Variants in EIF3A observed in about 807,000 individuals in gnomAD.
The protein encoded by EIF3A is EIF3, p180 subunit.
In EIF3A, 21 loss-of-function variants were observed where a neutral mutation model predicts 186.6. The observed-to-expected ratio is 0.11, with a 90% confidence interval of 0.08 to 0.16. The LOEUF is 0.16. EIF3A is among the 10% of genes least tolerant of loss of function. The pLI, the probability that EIF3A is intolerant of heterozygous loss-of-function variation, is 1.00. For missense variants in EIF3A, 1,306 were observed against 1,796.3 expected (o/e 0.73, Z 4.93); for synonymous variants, 563 against 584.3 (o/e 0.96, Z 0.52).
At chr10:119,068,330 C>A (rs1844012835) in intron 6 of EIF3A, among the ~76,000 whole-genome samples, 1 of 152,022 alleles carries the variant, frequency 6.6e-6, no homozygotes, top group Non-Finnish European at 1.5e-5. Context: ...TAAACATGAC[C>A]CAAATATTCT....
intron 21 of EIF3A, among the ~76,000 whole-genome samples, chr10:119,036,824 T>A (rs1027410310): frequency 2.0e-5 from 3 of 152,354 alleles, no homozygotes. Flanking sequence ...TACTTTGTGC[T>A]TAATCTGCCA....
In EIF3A at chr10:119,035,252, C is replaced by G. The variant is rs528379109; in HGVS notation, c.*787G>C. ...AGAGAATTTAAACGATTCCTCCAAA[C>G]CATACATTTATAAATATTGTCATAT... On this transcript the variant is annotated 3_prime_UTR_variant, in exon 22 of 22. Transcript: ENST00000369144. The G allele has an allele frequency of 6.6e-6, 1 of 152,494 alleles. No homozygotes were observed. The highest frequency in any genetic ancestry group is 1.5e-5 in the Non-Finnish European group (1 of 68,018). 9.4% of individuals were successfully genotyped at this position (152,494 alleles called of 1,614,324 possible). A position where few individuals can be genotyped will look rare whatever the true frequency, so the allele number is the denominator to read the frequency against.
chr10:119,038,138 A>G, intron 20 of EIF3A, 100 bp downstream of exon 20: 1 of 1,035,476 alleles, frequency 9.7e-7, no homozygotes, highest in African/African-American at 1.6e-5. Flanking sequence ...GCTGCTCTCG[A>G]ACTCCTGAAC....
chr10:119,072,779 T>G (rs1450464639), intron 4 of EIF3A, 111 bp downstream of exon 4: 1 of 1,323,928 alleles, frequency 7.6e-7, no homozygotes, highest in African/African-American at 1.5e-5. Flanking sequence ...CTCATGTGAA[T>G]GCCAACATTT....
chr10:119,071,885 C>T (rs1194199443), intron 4 of EIF3A, among the ~76,000 whole-genome samples: 8 of 151,664 alleles, frequency 5.3e-5, no homozygotes, highest in Non-Finnish European at 1.0e-4. Context: ...ATTAGCCGAG[C>T]ATGGCAGCGT....
At chr10:119,061,682 T>C (rs935004089) in intron 7 of EIF3A, among the ~76,000 whole-genome samples, 1 of 152,160 alleles carries the variant, frequency 6.6e-6, no homozygotes, top group Non-Finnish European at 1.5e-5. Context: ...TTATATAAAT[T>C]ATCACACAAA....
At chr10:119,064,772 A>G (rs1843945131) in intron 7 of EIF3A, among the ~76,000 whole-genome samples, 1 of 152,306 alleles carries the variant, frequency 6.6e-6, no homozygotes, top group South Asian at 2.1e-4. Flanking sequence ...CAGCGGCACG[A>G]TCTCAGCTCA....
chr10:119,058,335 C>T (rs113621020), intron 11 of EIF3A, 32 bp from the exon 12 acceptor site: 2 of 1,429,970 alleles, frequency 1.4e-6, no homozygotes, highest in African/African-American at 2.9e-5. Flanking sequence ...TTTACATGAC[C>T]AAAATTAACA....
intron 7 of EIF3A, among the ~76,000 whole-genome samples, chr10:119,063,813 G>A (rs1208021705): frequency 1.7e-4 from 26 of 152,294 alleles, no homozygotes; most frequent in Admixed American, 1.6e-3. Context: ...TGGCCGGCAC[G>A]GTGGCACACC....
Position 119,080,756 on chromosome 10 carries a change from G to A in EIF3A, c.-80C>T. ...CGGGAGAGGAGACGAAGGGGAACCA[G>A]CGTAAGGTCCCACGCGCCTCGCCAG... On this transcript the variant is annotated 5_prime_UTR_variant, in exon 1 of 22. Transcript: ENST00000369144. 1 of 1,531,084 alleles carries A rather than the reference G, an allele frequency of 6.5e-7. No homozygotes were observed. Among genetic ancestry groups the A allele is most frequent in the Non-Finnish European group, 8.8e-7 (1 of 1,138,854 alleles). The allele number at this position is 1,531,084 out of a possible 1,614,324, so 94.8% of individuals were successfully genotyped here. A position where few individuals can be genotyped will look rare whatever the true frequency, so the allele number is the denominator to read the frequency against.
At chr10:119,049,508 A>AAAG (rs1554869979) in intron 17 of EIF3A, among the ~76,000 whole-genome samples, 5 of 150,616 alleles carry the variant, frequency 3.3e-5, no homozygotes, top group Admixed American at 6.6e-5. Context: ...AAAAAAAAAA[A>AAAG]AGAGAAAGAG....
intron 3 of EIF3A, 147 bp downstream of exon 3, chr10:119,073,294 T>C: frequency 1.4e-6 from 1 of 699,954 alleles, no homozygotes; most frequent in Non-Finnish European, 2.3e-6. Context: ...ATTACCTACA[T>C]AAATTAACTG....
intron 19 of EIF3A, among the ~76,000 whole-genome samples, chr10:119,040,296 G>A (rs926829783): frequency 1.3e-5 from 2 of 152,134 alleles, no homozygotes; most frequent in Non-Finnish European, 2.9e-5. Context: ...GAGGAGGGTG[G>A]ATTTCAGGAA....
intron 9 of EIF3A, 94 bp downstream of exon 9, chr10:119,060,652 T>C: frequency 1.2e-6 from 1 of 820,696 alleles, no homozygotes; most frequent in East Asian, 2.8e-5. Flanking sequence ...CTTGGGGAGG[T>C]TCTCACTTCC....
chr10:119,043,594 C>T (rs1172861310), intron 18 of EIF3A, among the ~76,000 whole-genome samples: 3 of 147,968 alleles, frequency 2.0e-5, no homozygotes, highest in Admixed American at 6.7e-5. Context: ...CAGAGTGAGA[C>T]GCCATCTCAA....
chr10:119,069,420 A>G (rs752856778), intron 6 of EIF3A, 26 bp downstream of exon 6: 1 of 1,108,560 alleles, frequency 9.0e-7, no homozygotes, highest in East Asian at 2.4e-5. Flanking sequence ...CAGAATTTCA[A>G]CATTATCCAA....
chr10:119,049,983 G>T lies in EIF3A; in HGVS notation c.2476C>A (p.Arg826=), dbSNP rs762663906. 2 of 1,613,046 alleles carry T rather than the reference G, an allele frequency of 1.2e-6. No individual in the cohort carries two copies. Among genetic ancestry groups the T allele is most frequent in the Admixed American group, 3.3e-5 (2 of 59,886 alleles). ...CGTTCGGCGCGCTCTCTCTCTTCCC[G>T]CTCTAGACCATTGATTAGGTTACTA... ...RRAEEQMLKE[R]EERERAERAK... The change falls in exon 17 of 22, where the codon CGG becomes AGG. Residue 826 remains arginine, a splice_region_variant and synonymous_variant. Transcript: ENST00000369144.
intron 7 of EIF3A, among the ~76,000 whole-genome samples, chr10:119,065,167 C>G (rs934666462): frequency 6.6e-6 from 1 of 152,156 alleles, no homozygotes; most frequent in Non-Finnish European, 1.5e-5. Context: ...CCACGGTATT[C>G]CCCAGAGCCA....
chr10:119,080,297 G>A (rs1479400322), intron 1 of EIF3A: 3 of 984,932 alleles, frequency 3.0e-6, no homozygotes, highest in Non-Finnish European at 3.6e-6. Flanking sequence ...CAGGGACCTG[G>A]AGAGCCAGAG....
Sources: allele counts gnomAD v4.1 joint callset (sites outside exome capture counted in the v4.1 genomes callset), GRCh38; gene constraint gnomAD v4.1.1; transcripts MANE v1.5; gene names NCBI Gene and HGNC (gene_info 2026-07-23, HGNC 2026-07-21).